DLG2: variants seen among roughly 807,000 people sequenced by gnomAD.
The protein encoded by DLG2 is discs large MAGUK scaffold protein 2, also known as disks large homolog 2.
Under a neutral mutation model 132.5 loss-of-function variants are expected in DLG2, and 45 were observed. The observed-to-expected ratio is 0.34, with a 90% CI of 0.27 to 0.44. The LOEUF is 0.44. Among genes scored for constraint, DLG2 ranks in the 20% least tolerant of loss-of-function variants. DLG2 has a pLI of 1.00. For missense variants in DLG2, 1,045 were observed against 1,196.9 expected (o/e 0.87, Z 1.87); for synonymous variants, 424 against 419.6 (o/e 1.01, Z -0.13).
At chr11:84,037,005 G>A (rs906386818) in intron 11 of DLG2, among the ~76,000 whole-genome samples, 1 of 152,042 alleles carries the variant, frequency 6.6e-6, no homozygotes, top group Non-Finnish European at 1.5e-5. Context: ...ATCTTGCTGG[G>A]GCCATCTGAA....
rs200119041 is a variant in DLG2, at chr11:83,911,851, GT to G, written c.1496+18476del. Among the ~76,000 whole-genome samples the G allele has an allele frequency of 1.4e-4, 21 of 150,886 alleles. 1 individual carries two copies. The South Asian group carries it at 1.9e-3, about 14-fold the overall frequency. On this transcript the variant is annotated intron_variant, in intron 15 of 27. Coordinates refer to ENST00000376104, the MANE Select transcript of DLG2 (RefSeq NM_001142699.3). ...CCTGTTACTAAAAGAAAAGCAAAAG[GT>G]TTTTTTTTGTTTTCTTTTTTTTGAC...
chr11:84,100,968 T>G (rs575598905), intron 9 of DLG2, among the ~76,000 whole-genome samples: 1 of 152,164 alleles, frequency 6.6e-6, no homozygotes, highest in Non-Finnish European at 1.5e-5. Context: ...TCTCATGTGT[T>G]TATACTTCTG....
At chr11:85,595,259 A>G (rs947586396) in intron 3 of DLG2, among the ~76,000 whole-genome samples, 2 of 152,080 alleles carry the variant, frequency 1.3e-5, no homozygotes, top group African/African-American at 4.8e-5. Flanking sequence ...TGCAGCTTCT[A>G]GTATATTGCC....
At chr11:84,195,665 T>C (rs2154294800) in intron 8 of DLG2, among the ~76,000 whole-genome samples, 1 of 152,322 alleles carries the variant, frequency 6.6e-6, no homozygotes, top group South Asian at 2.1e-4. Context: ...TAAAAATCCA[T>C]ACTGTGTAAT....
At chr11:84,560,050 G>C (rs562893911) in intron 6 of DLG2, among the ~76,000 whole-genome samples, 61 of 152,058 alleles carry the variant, frequency 4.0e-4, no homozygotes, top group Admixed American at 7.9e-4. Context: ...GTACTTGTTG[G>C]GAAATCACAG....
chr11:83,656,168 A>C (rs1280178871), intron 18 of DLG2, among the ~76,000 whole-genome samples: 1 of 152,248 alleles, frequency 6.6e-6, no homozygotes, highest in African/African-American at 2.4e-5. Flanking sequence ...AACAGTCAGC[A>C]GGGTGACACT....
intron 11 of DLG2, among the ~76,000 whole-genome samples, chr11:84,046,169 C>T (rs957185875): frequency 6.6e-6 from 1 of 151,616 alleles, no homozygotes; most frequent in Non-Finnish European, 1.5e-5. Context: ...TTTGAGGGCA[C>T]ACCATGTTTC....
intron 6 of DLG2, among the ~76,000 whole-genome samples, chr11:84,564,878 G>C (rs1333000791): frequency 1.3e-5 from 2 of 152,176 alleles, no homozygotes; most frequent in African/African-American, 4.8e-5. Context: ...TAATATGACA[G>C]TGCAACATGA....
intron 18 of DLG2, among the ~76,000 whole-genome samples, chr11:83,779,347 A>G (rs2094713531): frequency 6.6e-6 from 1 of 152,212 alleles, no homozygotes; most frequent in South Asian, 2.1e-4. Flanking sequence ...AAAATTAACA[A>G]TAGTTGCCTA....
chr11:85,353,469 C>G (rs900138522), intron 3 of DLG2, among the ~76,000 whole-genome samples: 5 of 152,048 alleles, frequency 3.3e-5, no homozygotes, highest in Admixed American at 2.0e-4. Context: ...ACCATTGGAC[C>G]GAGCAATCCT....
chr11:85,313,344 T>C (rs1280334236), intron 3 of DLG2, among the ~76,000 whole-genome samples: 1 of 151,982 alleles, frequency 6.6e-6, no homozygotes, highest in Non-Finnish European at 1.5e-5. Flanking sequence ...CCATGTACAG[T>C]CACATTAGAT....
At chr11:85,195,709 G>A (rs528188609) in intron 4 of DLG2, among the ~76,000 whole-genome samples, 3 of 151,712 alleles carry the variant, frequency 2.0e-5, no homozygotes, top group Non-Finnish European at 4.4e-5. Flanking sequence ...TGTATTTTTA[G>A]TAGAGACGGG....
At position 83,456,644 on chromosome 11, in the gene DLG2, A is replaced by C. The variant is rs2089026542; in HGVS notation, c.*3174T>G. ...GATGGTGGGAAGGAGGAATAGGAAA[A>C]GGAGAGGAACAAAAAAAAAAAGAGA... is the stretch of plus-strand genomic sequence containing the variant. On this transcript the variant is annotated 3_prime_UTR_variant, in exon 28 of 28. Transcript: ENST00000376104. 9.9e-6 allele frequency: 1 copy of C among 100,762 alleles called. No homozygotes were observed. The highest frequency in any genetic ancestry group is 2.1e-5 in the Non-Finnish European group (1 of 48,774). The allele number at this position is 100,762 out of a possible 1,614,324, so 6.2% of individuals were successfully genotyped here.
At chr11:85,239,132 A>G (rs375845821) in intron 4 of DLG2, among the ~76,000 whole-genome samples, 1 of 152,098 alleles carries the variant, frequency 6.6e-6, no homozygotes, top group East Asian at 1.9e-4. Context: ...CTGGAGAGAT[A>G]AACTGCTCAC....
chr11:85,357,753 TATATATA>T, intron 3 of DLG2, among the ~76,000 whole-genome samples: 1 of 111,046 alleles, frequency 9.0e-6, no homozygotes, highest in African/African-American at 3.3e-5. Flanking sequence ...TATATATATA[TATATATA>T]TTTTATACTT....
At chr11:84,955,369 GTA>G (rs1254123967) in intron 6 of DLG2, 1 of 152,184 alleles carries the variant, frequency 6.6e-6, no homozygotes, top group African/African-American at 2.4e-5. Flanking sequence ...GATAGATTAA[GTA>G]ACTGGCCCAA....
At chr11:85,622,628 A>G (rs2508219) in intron 2 of DLG2, among the ~76,000 whole-genome samples, 4 of 101,996 alleles carry the variant, frequency 3.9e-5, no homozygotes, top group Admixed American at 3.4e-4. Context: ...TCCCCAGAGG[A>G]AAAAAAAAAA....
At chr11:84,674,102 G>T (rs983720944) in intron 6 of DLG2, among the ~76,000 whole-genome samples, 1 of 152,154 alleles carries the variant, frequency 6.6e-6, no homozygotes, top group Non-Finnish European at 1.5e-5. Flanking sequence ...ATAGAATTGG[G>T]CACAGTAGTG....
chr11:85,098,606 C>T (rs567915444), intron 6 of DLG2, among the ~76,000 whole-genome samples: 78 of 152,224 alleles, frequency 5.1e-4, no homozygotes, highest in African/African-American at 1.8e-3. Context: ...TGACCAAATC[C>T]ATTGCAGAAA....
Sources: allele counts gnomAD v4.1 joint callset (sites outside exome capture counted in the v4.1 genomes callset), GRCh38; gene constraint gnomAD v4.1.1; transcripts MANE v1.5; gene names NCBI Gene and HGNC (gene_info 2026-07-23, HGNC 2026-07-21).